FMN1: variants seen among roughly 807,000 people sequenced by gnomAD.
FMN1 encodes formin 1, also known as formin-1.
Under a neutral mutation model 132.4 loss-of-function variants are expected in FMN1, and 110 were observed. The observed-to-expected ratio is 0.83, with a 90% CI of 0.71 to 0.97. The LOEUF (loss-of-function observed/expected upper bound fraction) is 0.97. Ranked by LOEUF, FMN1 falls within the 50% of genes least tolerant of loss-of-function variation. The pLI is 0.00. For missense variants in FMN1, 1,792 were observed against 1,705.3 expected, an observed-to-expected ratio of 1.05 and a Z score of -0.90; for synonymous variants, 722 against 651.7, an observed-to-expected ratio of 1.11 and a Z score of -1.64.
intron 7 of FMN1, among the ~76,000 whole-genome samples, chr15:32,989,627 C>T (rs1483710990): frequency 1.3e-5 from 2 of 152,110 alleles, no homozygotes; most frequent in African/African-American, 2.4e-5. Flanking sequence ...AGACTTTGAA[C>T]TTAACTTGAC....
intron 7 of FMN1, among the ~76,000 whole-genome samples, chr15:32,980,875 G>A (rs1387984248): frequency 1.3e-5 from 2 of 152,120 alleles, no homozygotes; most frequent in East Asian, 1.9e-4. Context: ...TTAGCCGGGC[G>A]TGGTGATGCG....
intron 10 of FMN1, among the ~76,000 whole-genome samples, chr15:32,913,669 A>T (rs1295461124): frequency 6.6e-6 from 1 of 152,172 alleles, no homozygotes; most frequent in Non-Finnish European, 1.5e-5. Context: ...CATATTTTAC[A>T]TAAGGTGAAG....
In FMN1 at chr15:32,964,120, T is replaced by G; in HGVS notation, c.3125A>C (p.Asn1042Thr). Reference protein sequence around the residue: ...KPLSETYEKKNKVKKIIKLLD... With the variant: ...KPLSETYEKKTKVKKIIKLLD... ...ATCACTCAGTACCTTTTTGACCTTGTTTTTCTTCTCATAAGTCTCTGACAG... is the reference window on the plus strand; with the variant it reads ...ATCACTCAGTACCTTTTTGACCTTGGTTTTCTTCTCATAAGTCTCTGACAG... The change falls in exon 9 of 21, where the codon AAC (asparagine) becomes ACC (threonine). Residue 1042 changes from asparagine (N) to threonine (T), a missense_variant. Asn to Thr is a moderately conservative substitution (Grantham distance 65, BLOSUM62 0). Around this residue, in one of 3 missense-constraint regions of FMN1, gnomAD observed 1,150 missense variants for 1,043.1 expected, o/e 1.10. Transcript: ENST00000616417. The G allele has an allele frequency of 6.2e-7, 1 of 1,611,716 alleles. No homozygotes were observed. Among genetic ancestry groups the G allele is most frequent in the East Asian group, 2.2e-5 (1 of 44,832 alleles).
intron 6 of FMN1, among the ~76,000 whole-genome samples, chr15:33,011,781 G>C (rs1231263586): frequency 6.6e-6 from 1 of 151,928 alleles, no homozygotes; most frequent in East Asian, 1.9e-4. Flanking sequence ...TGAAAAATGA[G>C]CAAAAAGCAT....
At position 32,979,122 on chromosome 15, in the gene FMN1, G is replaced by A. The variant is rs150497448; in HGVS notation, c.2224-9645C>T. Among the ~76,000 whole-genome samples, 39 of 152,210 alleles carry A rather than the reference G, an allele frequency of 2.6e-4. No individual in the cohort carries two copies. In the East Asian group the frequency reaches 7.5e-3, roughly 29 times the overall value. On this transcript the variant is annotated intron_variant, in intron 7 of 20. Transcript: ENST00000616417. ...TGGTTGGTGATACATCTTCTGCTAT[G>A]AGCTTACTCTTCATAGTGGTGCTGT...
intron 17 of FMN1, among the ~76,000 whole-genome samples, chr15:32,840,865 G>A (rs577876737): frequency 6.6e-6 from 1 of 152,322 alleles, no homozygotes; most frequent in South Asian, 2.1e-4. Context: ...TAAACAGTGG[G>A]AGAATCGTTG....
Position 32,935,503 on chromosome 15 carries a change from C to T in FMN1, c.3139-9242G>A, listed in dbSNP as rs201050196. ...CTTCAATCTGAATGTTTATTTCTTC[C>T]GCCAGATATCTGACCATTATTTCTT... On this transcript the variant is annotated intron_variant, in intron 9 of 20. Coordinates refer to ENST00000616417, the MANE Select transcript of FMN1 (RefSeq NM_001277313.2). 1.4e-4 allele frequency among the ~76,000 whole-genome samples: 22 copies of T among 152,236 alleles called. No homozygotes were observed. The East Asian group carries it at 3.3e-3, about 23-fold the overall frequency.
intron 15 of FMN1, among the ~76,000 whole-genome samples, chr15:32,890,681 T>C (rs1313961981): frequency 6.6e-6 from 1 of 152,210 alleles, no homozygotes; most frequent in African/African-American, 2.4e-5. Flanking sequence ...GATGTATAGA[T>C]TGTAAAGATT....
chr15:32,988,627 G>A (rs2033234030), intron 7 of FMN1, among the ~76,000 whole-genome samples: 1 of 152,178 alleles, frequency 6.6e-6, no homozygotes. Context: ...TTCAGTCATG[G>A]TGCTTCTATC....
At chr15:32,982,177 T>C (rs1179155415) in intron 7 of FMN1, among the ~76,000 whole-genome samples, 1 of 152,024 alleles carries the variant, frequency 6.6e-6, no homozygotes, top group Non-Finnish European at 1.5e-5. Context: ...AAGACACAAA[T>C]TAAAACCACA....
At chr15:32,945,927 C>T (rs904249569) in intron 9 of FMN1, among the ~76,000 whole-genome samples, 4 of 152,138 alleles carry the variant, frequency 2.6e-5, no homozygotes, top group East Asian at 3.9e-4. Context: ...CTTCATTTGC[C>T]GCCATTGCCA....
At chr15:33,056,347 C>T (rs1443038882) in intron 6 of FMN1, among the ~76,000 whole-genome samples, 1 of 152,222 alleles carries the variant, frequency 6.6e-6, no homozygotes, top group Non-Finnish European at 1.5e-5. Context: ...ATCAGGCAGT[C>T]TCCTGGGCCA....
intron 6 of FMN1, among the ~76,000 whole-genome samples, chr15:33,016,197 T>C (rs1312309550): frequency 6.6e-6 from 1 of 152,172 alleles, no homozygotes; most frequent in Non-Finnish European, 1.5e-5. Context: ...GGATGACATT[T>C]GAAAAAATAT....
intron 6 of FMN1, among the ~76,000 whole-genome samples, chr15:33,031,302 A>G (rs906111656): frequency 2.0e-5 from 3 of 152,194 alleles, no homozygotes; most frequent in Admixed American, 6.5e-5. Flanking sequence ...GCTTTCTACC[A>G]TCAGGAGGAG....
At chr15:32,815,368 T>A (rs2058025799) in intron 17 of FMN1, among the ~76,000 whole-genome samples, 1 of 152,046 alleles carries the variant, frequency 6.6e-6, no homozygotes, top group Non-Finnish European at 1.5e-5. Context: ...CTCATGTTAA[T>A]TTTTTTTAAT....
At chr15:32,980,399 T>G (rs2032560710) in intron 7 of FMN1, among the ~76,000 whole-genome samples, 1 of 152,196 alleles carries the variant, frequency 6.6e-6, no homozygotes, top group South Asian at 2.1e-4. Flanking sequence ...TTGCTTTATA[T>G]ATCTGGGTTT....
At chr15:33,068,975 G>T (rs1189133627) in intron 5 of FMN1, among the ~76,000 whole-genome samples, 1 of 152,236 alleles carries the variant, frequency 6.6e-6, no homozygotes, top group Middle Eastern at 3.4e-3. Context: ...TCCCCCTTTG[G>T]TGTCCCAGCC....
At position 32,766,068 on chromosome 15, in the gene FMN1, C is replaced by G. The variant is rs976347926; in HGVS notation, c.*8242G>C. On this transcript the variant is annotated 3_prime_UTR_variant, in exon 21 of 21. Coordinates refer to ENST00000616417, the MANE Select transcript of FMN1 (RefSeq NM_001277313.2). ...GTAAGGTTTCATGTCTTTAAAGGGCCTTCTCCTTTCCCCAACTGTCTTCAT... is the reference window on the plus strand; with the variant it reads ...GTAAGGTTTCATGTCTTTAAAGGGCGTTCTCCTTTCCCCAACTGTCTTCAT... 6.6e-6 allele frequency: 1 copy of G among 152,110 alleles called. No homozygotes were observed. Among genetic ancestry groups the G allele is most frequent in the African/African-American group, 2.4e-5 (1 of 41,414 alleles). 9.4% of individuals were successfully genotyped at this position (152,110 alleles called of 1,614,324 possible). A position where few individuals can be genotyped will look rare whatever the true frequency, so the allele number is the denominator to read the frequency against.
chr15:33,097,535 G>C (rs966872462), intron 4 of FMN1, among the ~76,000 whole-genome samples: 6 of 152,042 alleles, frequency 3.9e-5, no homozygotes, highest in African/African-American at 1.4e-4. Flanking sequence ...ATTATGTATA[G>C]AAAACTAAAG....
Sources: allele counts gnomAD v4.1 joint callset (sites outside exome capture counted in the v4.1 genomes callset), GRCh38; gene constraint gnomAD v4.1.1; regional missense constraint gnomAD v4.1.1; transcripts MANE v1.5; gene names NCBI Gene and HGNC (gene_info 2026-07-23, HGNC 2026-07-21).